The following NWD1 variants were observed in gnomAD, a reference collection of about 807,000 sequenced individuals.
NWD1 encodes the protein NACHT and WD repeat domain containing 1.
A neutral mutation model predicts 135.1 loss-of-function variants in NWD1; 129 were observed. The ratio of observed to expected loss-of-function variants is 0.96; its 90% CI spans 0.83 to 1.11. The LOEUF (loss-of-function observed/expected upper bound fraction) is 1.11, where lower values mean the gene tolerates loss of function less well. Among genes scored for constraint, NWD1 ranks in the 50% least tolerant of loss-of-function variants. The pLI, the probability that NWD1 is intolerant of heterozygous loss-of-function variation, is 0.00. For synonymous variants in NWD1, 773 were observed against 786.0 expected (o/e 0.98, Z 0.28); for missense variants, 1,740 against 1,851.3 (o/e 0.94, Z 1.10).
At chr19:16,803,325 C>A (rs748922046) in intron 17 of NWD1, among the ~76,000 whole-genome samples, 7 of 152,116 alleles carry the variant, frequency 4.6e-5, no homozygotes, top group Non-Finnish European at 1.0e-4. Flanking sequence ...CATAGCAACA[C>A]CAACAGACTT....
At chr19:16,723,516 G>A (rs1967213122) in intron 1 of NWD1, among the ~76,000 whole-genome samples, 1 of 151,908 alleles carries the variant, frequency 6.6e-6, no homozygotes. Flanking sequence ...GTCTCCCTGT[G>A]TTGCCCAGGC....
intron 17 of NWD1, among the ~76,000 whole-genome samples, chr19:16,803,573 G>C (rs1970664719): frequency 6.6e-6 from 1 of 152,082 alleles, no homozygotes; most frequent in African/African-American, 2.4e-5. Context: ...TTGTCAGGGG[G>C]ACACAAATCT....
At chr19:16,720,432 G>A (rs751200738) in intron 1 of NWD1, 139 bp downstream of exon 1, 2 of 152,246 alleles carry the variant, frequency 1.3e-5, no homozygotes, top group Non-Finnish European at 2.9e-5. Flanking sequence ...ATGAACAGAT[G>A]CAGCATAGAG....
intron 17 of NWD1, among the ~76,000 whole-genome samples, chr19:16,804,619 A>C: frequency 6.6e-6 from 1 of 151,784 alleles, no homozygotes; most frequent in Non-Finnish European, 1.5e-5. Flanking sequence ...TTAAAGAAAG[A>C]ATAGAAATTT....
In NWD1 at chr19:16,749,350, A is replaced by G; in HGVS notation, c.708A>G (p.Pro236=). 6.2e-7 allele frequency: 1 copy of G among 1,613,738 alleles called. No individual in the cohort carries two copies. Among genetic ancestry groups the G allele is most frequent in the South Asian group, 1.1e-5 (1 of 91,046 alleles). The change falls in exon 6 of 19, where the codon CCA becomes CCG. Residue 236 remains proline, a synonymous_variant. Coordinates refer to ENST00000524140, the MANE Select transcript of NWD1 (RefSeq NM_001007525.5). The part of the protein sequence containing the change: ...SLKSHITDMH[P]GVLKTHRLPW... ...AAAGTCACATCACTGACATGCACCC[A>G]GGGGTCCTCAAGACCCACCGCCTGC... is the stretch of plus-strand genomic sequence containing the variant.
chr19:16,740,480 T>C, intron 4 of NWD1, among the ~76,000 whole-genome samples: 1 of 151,642 alleles, frequency 6.6e-6, no homozygotes, highest in East Asian at 1.9e-4. Context: ...GGATTACAGG[T>C]GCCCACTACC....
chr19:16,795,453 A>G (rs1970388686), intron 15 of NWD1, among the ~76,000 whole-genome samples: 2 of 133,974 alleles, frequency 1.5e-5, no homozygotes, highest in African/African-American at 5.8e-5. Flanking sequence ...GTCTCGCTCT[A>G]TTGCGTAGGC....
intron 8 of NWD1, among the ~76,000 whole-genome samples, chr19:16,763,222 C>A (rs1409091536): frequency 1.3e-5 from 2 of 152,056 alleles, no homozygotes; most frequent in Admixed American, 6.6e-5. Context: ...ATTCACCTAG[C>A]CTCTCAGTCT....
At chr19:16,792,973 A>G (rs957265515) in intron 14 of NWD1, among the ~76,000 whole-genome samples, 4 of 150,810 alleles carry the variant, frequency 2.7e-5, no homozygotes, top group African/African-American at 9.7e-5. Context: ...TGAGCTTAGG[A>G]GGTGGAGGCT....
At chr19:16,767,138 C>A (rs1176828268) in intron 10 of NWD1, among the ~76,000 whole-genome samples, 1 of 140,684 alleles carries the variant, frequency 7.1e-6, no homozygotes, top group African/African-American at 2.5e-5. Flanking sequence ...AGGAAACTTA[C>A]AATCATGGCA....
Position 16,771,125 on chromosome 19 carries a change from C to T in NWD1, c.2411-2001C>T, listed in dbSNP as rs138297452. Among the ~76,000 whole-genome samples, 350 of 152,182 alleles carry T rather than the reference C, an allele frequency of 2.3e-3. 1 individual carries two copies. The highest frequency in any genetic ancestry group is 8.0e-3 in the African/African-American group (331 of 41,536). On this transcript the variant is annotated intron_variant, in intron 10 of 18. Transcript: ENST00000524140. ...GACCATCCTGGGCAACATAGCGAGA[C>T]CCTATCTCTGTAAAAAAAAATTAAT... is the stretch of plus-strand genomic sequence containing the variant.
chr19:16,732,654 C>CAAAAAAAAAAAAAAAAAAAAA (rs759471981), intron 3 of NWD1, among the ~76,000 whole-genome samples: 1 of 30,324 alleles, frequency 3.3e-5, no homozygotes, highest in African/African-American at 3.1e-4. Flanking sequence ...GACTTCATCT[C>CAAAAAAAAAAAAAAAAAAAAA]AAAAAAAAAA....
Position 16,807,976 on chromosome 19 carries a change from G to A in NWD1, c.4127G>A (p.Cys1376Tyr), listed in dbSNP as rs558685317. 2.4e-5 allele frequency: 38 copies of A among 1,614,132 alleles called. No individual in the cohort carries two copies. The Middle Eastern group carries it at 8.2e-4, about 35-fold the overall frequency. The change falls in exon 18 of 19, where the codon TGT becomes TAT. Residue 1376 changes from cysteine (C) to tyrosine (Y), a missense_variant. Transcript: ENST00000524140. Reference sequence around the variant, plus strand: ...AATGGGGACCTCTTTCTTTACGAGTGTGCAACTTCCAAAGCGTTTCCCTTG... The same window carrying A: ...AATGGGGACCTCTTTCTTTACGAGTATGCAACTTCCAAAGCGTTTCCCTTG... ...MTNGDLFLYE[C>Y]ATSKAFPLET...
At position 16,765,139 on chromosome 19, in the gene NWD1, T is replaced by C; in HGVS notation, c.2357T>C (p.Leu786Pro). ...CACCTGGACTCCCCTGAGGTTGGCC[T>C]GGTCCGTGAAGCCCTCCAGCTCTGC... is the stretch of plus-strand genomic sequence containing the variant. ...APHLDSPEVGLVREALQLCRP... is the reference protein window; with the variant it reads ...APHLDSPEVGPVREALQLCRP... The change falls in exon 10 of 19, where the codon CTG becomes CCG. Residue 786 changes from leucine (L) to proline (P), a missense_variant. Coordinates refer to ENST00000524140, the MANE Select transcript of NWD1 (RefSeq NM_001007525.5). The C allele has an allele frequency of 6.2e-7, 1 of 1,614,148 alleles. No individual in the cohort carries two copies. The highest frequency in any genetic ancestry group is 8.5e-7 in the Non-Finnish European group (1 of 1,180,030).
At chr19:16,766,423 A>C (rs748524020) in intron 10 of NWD1, among the ~76,000 whole-genome samples, 1 of 152,106 alleles carries the variant, frequency 6.6e-6, no homozygotes, top group Non-Finnish European at 1.5e-5. Flanking sequence ...ACCAAAAAAA[A>C]ACTTATTTCT....
rs149942222 is a variant in NWD1 at position 16,807,737 on chromosome 19, C to G, written c.3888C>G (p.Pro1296=). ...AGGACGTGATATGCATTCCCCCTCC[C>G]GAGGCCCGGAAAGCAATCAACTGCA... ...SRQDVICIPP[P]EARKAINCMS... The change falls in exon 18 of 19, where the codon CCC becomes CCG. Residue 1296 remains proline (P), a synonymous_variant. Transcript: ENST00000524140. 25 of 1,613,180 alleles carry G rather than the reference C, an allele frequency of 1.5e-5. No individual in the cohort carries two copies. The African/African-American group carries it at 3.3e-4, about 22-fold the overall frequency.
chr19:16,744,785 C>A, intron 5 of NWD1, 67 bp downstream of exon 5: 1 of 1,348,596 alleles, frequency 7.4e-7, no homozygotes, highest in Non-Finnish European at 1.0e-6. Flanking sequence ...AATATCCATC[C>A]CCTGTTGGCA....
At chr19:16,785,846 T>C (rs1227665549) in intron 12 of NWD1, among the ~76,000 whole-genome samples, 1 of 150,558 alleles carries the variant, frequency 6.6e-6, no homozygotes, top group Non-Finnish European at 1.5e-5. Flanking sequence ...CATTCTTTTG[T>C]GTCCATTGAC....
In NWD1 at chr19:16,756,346, T is replaced by C. The variant is rs115700067; in HGVS notation, c.1770-2879T>C. On this transcript the variant is annotated intron_variant, in intron 6 of 18. Transcript: ENST00000524140. ...GGTCTTCATCCTTGTCATCTTCACA[T>C]TGAGTAGGCAGAGGAAGAGGAGGAA... Among the ~76,000 whole-genome samples, 283 of 152,196 alleles carry C rather than the reference T, an allele frequency of 1.9e-3. 1 individual carries two copies. The highest frequency in any genetic ancestry group is 6.4e-3 in the African/African-American group (266 of 41,534).
Sources: gnomAD v4.1 joint callset for allele counts (sites outside exome capture counted in the v4.1 genomes callset) on GRCh38, gnomAD v4.1.1 for gene constraint, MANE v1.5 for transcripts, NCBI Gene and HGNC (gene_info 2026-07-23, HGNC 2026-07-21) for gene names.